SFI1: variants seen among roughly 807,000 people sequenced by gnomAD.
SFI1 encodes the protein protein SFI1 homolog.
Under a neutral mutation model 207.5 loss-of-function variants are expected in SFI1, and 195 were observed. The ratio of observed to expected loss-of-function variants is 0.94; its 90% CI spans 0.84 to 1.06. The LOEUF is 1.06. SFI1 is among the 50% of genes least tolerant of loss of function. The pLI is 0.00. For missense variants in SFI1, 1,634 were observed against 1,588.0 expected, an observed-to-expected ratio of 1.03 and a Z score of -0.49; for synonymous variants, 630 against 598.9, an observed-to-expected ratio of 1.05 and a Z score of -0.76.
At position 31,589,581 on chromosome 22, in the gene SFI1, T is replaced by A. The variant is rs1271308029; in HGVS notation, c.1544+4T>A. On this transcript the variant is annotated splice_donor_region_variant and intron_variant, in intron 15 of 32. Transcript: ENST00000400288. ...CAAGAGCAACACGTTTCCACAGGTA[T>A]GTTGCGCAGCTCCTGTCTGCACTGG... 1 of 1,610,792 alleles carries A rather than the reference T, an allele frequency of 6.2e-7. No individual in the cohort carries two copies. The highest frequency in any genetic ancestry group is 8.5e-7 in the Non-Finnish European group (1 of 1,179,120).
At chr22:31,522,738 C>T (rs1438904356) in intron 2 of SFI1, among the ~76,000 whole-genome samples, 1 of 152,172 alleles carries the variant, frequency 6.6e-6, no homozygotes, top group Non-Finnish European at 1.5e-5. Context: ...TCACTGCAAC[C>T]TCTGCCTCCC....
At chr22:31,535,391 T>C (rs770823615) in intron 4 of SFI1, among the ~76,000 whole-genome samples, 8 of 151,924 alleles carry the variant, frequency 5.3e-5, no homozygotes, top group Non-Finnish European at 7.4e-5. Context: ...CATTTCACCA[T>C]GTTGATCAGG....
chr22:31,616,812 A>G lies in SFI1; in HGVS notation c.3368A>G (p.Asp1123Gly). The change falls in exon 30 of 33, where the codon GAC becomes GGC. Residue 1123 changes from aspartate (D) to glycine (G), a missense_variant. Asp to Gly is a moderately conservative substitution (Grantham distance 94). Coordinates refer to ENST00000400288, the MANE Select transcript of SFI1 (RefSeq NM_001007467.3). ...CCCTCATCCCTGGCCAGTGTCCCTG[A>G]CCCCCATCTACTCCTTCCTGGGGAC... ...PVPSSLASVP[D>G]PHLLLPGDFS... 1 of 1,611,838 alleles carries G rather than the reference A, an allele frequency of 6.2e-7. No homozygotes were observed. The highest frequency in any genetic ancestry group is 8.5e-7 in the Non-Finnish European group (1 of 1,179,040).
chr22:31,514,080 G>T (rs1166908894), intron 2 of SFI1, among the ~76,000 whole-genome samples: 2 of 149,380 alleles, frequency 1.3e-5, no homozygotes, highest in African/African-American at 4.9e-5. Context: ...GTTGCAGTGA[G>T]CCGAGATTGG....
intron 14 of SFI1, among the ~76,000 whole-genome samples, chr22:31,588,682 G>A (rs903092255): frequency 3.4e-4 from 51 of 151,934 alleles, no homozygotes; most frequent in African/African-American, 1.0e-3. Context: ...GCGTGGTGGC[G>A]CACGCCTGTA....
chr22:31,498,273 C>T (rs970731222), intron 1 of SFI1, among the ~76,000 whole-genome samples: 15 of 122,006 alleles, frequency 1.2e-4, no homozygotes, highest in Non-Finnish European at 2.6e-4. Context: ...CCAGCCTGGG[C>T]GACAGAGTGA....
At position 31,602,618 on chromosome 22, in the gene SFI1, C is replaced by A. The variant is rs375948975; in HGVS notation, c.1638C>A (p.His546Gln). 1.9e-6 allele frequency: 3 copies of A among 1,614,022 alleles called. No individual in the cohort carries two copies. The African/African-American group carries it at 4.0e-5, about 22-fold the overall frequency. ...NRLAERMAIL[H>Q]AERQLLYRSW... ...CTGTCCTGCCTCAGGCCATCCTTCACGCAGAGCGACAGCTTCTGTATAGGT... is the reference window on the plus strand; with the variant it reads ...CTGTCCTGCCTCAGGCCATCCTTCAAGCAGAGCGACAGCTTCTGTATAGGT... The change falls in exon 17 of 33, where the codon CAC becomes CAA. Residue 546 changes from histidine to glutamine, a missense_variant. Physicochemically the swap from His to Gln is conservative, Grantham distance 24. Coordinates refer to ENST00000400288, the MANE Select transcript of SFI1 (RefSeq NM_001007467.3).
chr22:31,608,112 A>G, intron 22 of SFI1, 79 bp downstream of exon 22: 1 of 1,143,272 alleles, frequency 8.7e-7, no homozygotes, highest in Non-Finnish European at 1.3e-6. Flanking sequence ...GGCCCGCATA[A>G]GTCTGTCTCC....
At chr22:31,551,231 G>A (rs534115310) in intron 6 of SFI1, among the ~76,000 whole-genome samples, 2 of 152,126 alleles carry the variant, frequency 1.3e-5, no homozygotes, top group Admixed American at 6.6e-5. Context: ...ACTCCTTTAC[G>A]TAAAGTTAAC....
chr22:31,575,140 T>G, intron 9 of SFI1, 91 bp from the exon 10 acceptor site: 1 of 1,197,958 alleles, frequency 8.3e-7, no homozygotes. Context: ...ACCCCTGCTC[T>G]CTGCCAGTAG....
intron 15 of SFI1, among the ~76,000 whole-genome samples, chr22:31,590,672 T>C (rs927759939): frequency 9.9e-5 from 15 of 151,380 alleles, no homozygotes; most frequent in African/African-American, 3.4e-4. Flanking sequence ...GCCCAGCTAA[T>C]TTTTTGTGTT....
intron 5 of SFI1, 74 bp downstream of exon 5, chr22:31,547,045 G>T: frequency 8.7e-7 from 1 of 1,154,314 alleles, no homozygotes; most frequent in Admixed American, 2.3e-5. Context: ...GCGTGTTTAT[G>T]GTCAAAAGAA....
In SFI1 at chr22:31,615,198, C is replaced by G. The variant is rs371341546; in HGVS notation, c.3219C>G (p.Pro1073=). The part of the protein sequence containing the change: ...ALSSAPGPKQ[P]PTASTGPELL... Reference sequence around the variant, plus strand: ...CAAGCGCCCCTGGCCCGAAGCAGCCCCCGACGGCAAGCACAGGCCCGGAGC... The same window carrying G: ...CAAGCGCCCCTGGCCCGAAGCAGCCGCCGACGGCAAGCACAGGCCCGGAGC... The change falls in exon 29 of 33, where the codon CCC becomes CCG. Residue 1073 remains proline, a synonymous_variant. Coordinates refer to ENST00000400288, the MANE Select transcript of SFI1 (RefSeq NM_001007467.3). The G allele has an allele frequency of 1.9e-6, 3 of 1,583,598 alleles. No homozygotes were observed. Among genetic ancestry groups the G allele is most frequent in the Non-Finnish European group, 2.6e-6 (3 of 1,168,578 alleles).
chr22:31,545,351 G>A (rs1314353843), intron 4 of SFI1, among the ~76,000 whole-genome samples: 1 of 150,464 alleles, frequency 6.6e-6, no homozygotes, highest in African/African-American at 2.4e-5. Flanking sequence ...GGCAACAAGA[G>A]CAAAACTCCG....
chr22:31,557,353 T>C (rs990370614), intron 7 of SFI1, among the ~76,000 whole-genome samples: 5 of 151,796 alleles, frequency 3.3e-5, no homozygotes, highest in African/African-American at 1.2e-4. Flanking sequence ...TAATGTTTTT[T>C]TTTTTTTCAT....
chr22:31,542,676 C>T (rs917970037), intron 4 of SFI1, among the ~76,000 whole-genome samples: 4 of 151,610 alleles, frequency 2.6e-5, no homozygotes, highest in Admixed American at 1.3e-4. Context: ...TTTATTCATT[C>T]TTTGAGACAG....
intron 14 of SFI1, chr22:31,587,968 A>G (rs898269267): frequency 5.9e-5 from 9 of 152,348 alleles, no homozygotes; most frequent in African/African-American, 2.2e-4. Context: ...ATCTATTCAC[A>G]TACACATACA....
chr22:31,548,778 C>T (rs1330874414), intron 5 of SFI1, among the ~76,000 whole-genome samples: 1 of 150,958 alleles, frequency 6.6e-6, no homozygotes. Flanking sequence ...CACTGCACTC[C>T]AGTCTGGACG....
intron 1 of SFI1, among the ~76,000 whole-genome samples, chr22:31,508,034 C>A (rs1334330633): frequency 6.6e-6 from 1 of 151,954 alleles, no homozygotes; most frequent in Non-Finnish European, 1.5e-5. Flanking sequence ...TGAGATCGTG[C>A]CACTGCACTC....
Sources: gnomAD v4.1 joint callset for allele counts (sites outside exome capture counted in the v4.1 genomes callset) on GRCh38, gnomAD v4.1.1 for gene constraint, MANE v1.5 for transcripts, NCBI Gene and HGNC (gene_info 2026-07-23, HGNC 2026-07-21) for gene names.